The following GNAQ variants were observed in gnomAD, a reference collection of about 807,000 sequenced individuals.
The protein encoded by GNAQ is G protein subunit alpha q, also known as guanine nucleotide-binding protein G(q) subunit alpha.
GNAQ carries 8 observed loss-of-function variants against 43.9 expected under a neutral mutation model. The ratio of observed to expected loss-of-function variants is 0.18; its 90% CI spans 0.11 to 0.33. The LOEUF (loss-of-function observed/expected upper bound fraction) is 0.33, where lower values mean the gene tolerates loss of function less well. Among genes scored for constraint, GNAQ ranks in the 10% least tolerant of loss-of-function variants. The pLI is 1.00. For synonymous variants in GNAQ, 155 were observed against 170.7 expected (o/e 0.91, Z 0.71); for missense variants, 158 against 450.8 (o/e 0.35, Z 5.88).
intron 1 of GNAQ, among the ~76,000 whole-genome samples, chr9:77,947,666 C>T (rs1822921052): frequency 6.6e-6 from 1 of 152,158 alleles, no homozygotes; most frequent in African/African-American, 2.4e-5. Context: ...AGTAAGTAGG[C>T]AGAATGGTTT....
At chr9:77,752,471 A>C (rs1825826467) in intron 5 of GNAQ, among the ~76,000 whole-genome samples, 1 of 152,210 alleles carries the variant, frequency 6.6e-6, no homozygotes, top group Admixed American at 6.5e-5. Context: ...TCAGAAATGA[A>C]GCTAGAAGGG....
At chr9:77,819,025 A>C (rs1827067271) in intron 2 of GNAQ, among the ~76,000 whole-genome samples, 1 of 150,918 alleles carries the variant, frequency 6.6e-6, no homozygotes, top group Admixed American at 6.6e-5. Flanking sequence ...AAAAAAAAAA[A>C]AAAACACCCA....
chr9:77,747,130 T>C (rs150913072), intron 5 of GNAQ, among the ~76,000 whole-genome samples: 87 of 151,826 alleles, frequency 5.7e-4, no homozygotes, highest in Middle Eastern at 3.4e-3. Flanking sequence ...CACAGGAGAG[T>C]TTTCACTCTC....
At chr9:77,990,660 C>T (rs1371574118) in intron 1 of GNAQ, among the ~76,000 whole-genome samples, 1 of 152,190 alleles carries the variant, frequency 6.6e-6, no homozygotes, top group East Asian at 1.9e-4. Context: ...TGTATATATA[C>T]AAGCACACAT....
chr9:77,879,171 C>T (rs1828173241), intron 2 of GNAQ, among the ~76,000 whole-genome samples: 1 of 152,060 alleles, frequency 6.6e-6, no homozygotes, highest in Admixed American at 6.6e-5. Flanking sequence ...GAAAATACTG[C>T]AGTTTTAATT....
rs182320346 is a variant in GNAQ, at chr9:78,017,326, G to T, written c.136+13774C>A. On this transcript the variant is annotated intron_variant, in intron 1 of 6. Coordinates refer to ENST00000286548, the MANE Select transcript of GNAQ (RefSeq NM_002072.5). ...GGCTTTCGTGAGCAGGTACAAACTA[G>T]CTGCATCACAGCACTGTATGATTCA... Among the ~76,000 whole-genome samples, 701 of 152,290 alleles carry T rather than the reference G, an allele frequency of 4.6e-3. 4 individuals carry two copies. The highest frequency in any genetic ancestry group is 0.014 in the Middle Eastern group (4 of 294).
chr9:77,995,325 T>G (rs767822954), intron 1 of GNAQ, among the ~76,000 whole-genome samples: 15 of 152,158 alleles, frequency 9.9e-5, no homozygotes, highest in Non-Finnish European at 1.8e-4. Flanking sequence ...CTTACACTAC[T>G]TCTCTTAATT....
chr9:77,964,553 T>C lies in GNAQ; in HGVS notation c.137-42208A>G, dbSNP rs141230472. 3.0e-3 allele frequency among the ~76,000 whole-genome samples: 454 copies of C among 152,236 alleles called. 2 individuals carry two copies. The highest frequency in any genetic ancestry group is 5.0e-3 in the Non-Finnish European group (339 of 67,994). ...TATATTCTGGGCTATAAAACCAGTC[T>C]CAATAAATTTTAGAAGAGTCATATA... is the stretch of plus-strand genomic sequence containing the variant. On this transcript the variant is annotated intron_variant, in intron 1 of 6. Coordinates refer to ENST00000286548, the MANE Select transcript of GNAQ (RefSeq NM_002072.5).
intron 1 of GNAQ, among the ~76,000 whole-genome samples, chr9:77,931,872 C>T (rs985910055): frequency 2.7e-5 from 4 of 145,628 alleles, no homozygotes; most frequent in Admixed American, 6.8e-5. Context: ...AGGAAATAGA[C>T]AATAAATGTT....
intron 5 of GNAQ, among the ~76,000 whole-genome samples, chr9:77,753,086 CAA>C (rs547963667): frequency 7.5e-5 from 4 of 53,020 alleles, no homozygotes; most frequent in Admixed American, 1.8e-4. Flanking sequence ...GACTCTGTCT[CAA>C]AAAAAAAAAA....
intron 1 of GNAQ, among the ~76,000 whole-genome samples, chr9:78,002,752 G>T (rs1823659189): frequency 6.6e-6 from 1 of 152,096 alleles, no homozygotes; most frequent in Admixed American, 6.5e-5. Flanking sequence ...AATTAGGACT[G>T]AATGGAAAAA....
intron 5 of GNAQ, among the ~76,000 whole-genome samples, chr9:77,767,045 A>G (rs1407758564): frequency 6.6e-6 from 1 of 152,146 alleles, no homozygotes; most frequent in Non-Finnish European, 1.5e-5. Context: ...TAACACATAA[A>G]TGTCAGGGAA....
At chr9:77,904,487 C>T (rs1828671271) in intron 2 of GNAQ, among the ~76,000 whole-genome samples, 1 of 151,808 alleles carries the variant, frequency 6.6e-6, no homozygotes, top group South Asian at 2.1e-4. Flanking sequence ...CGTCTACCAC[C>T]ACGCCTGGCT....
chr9:77,797,448 T>C (rs376025257), intron 4 of GNAQ, 72 bp downstream of exon 4: 90 of 1,115,344 alleles, frequency 8.1e-5, no homozygotes, highest in East Asian at 5.6e-4. Flanking sequence ...ATGATTCCAG[T>C]ATTTATAGAG....
intron 2 of GNAQ, among the ~76,000 whole-genome samples, chr9:77,897,942 GAAA>G (rs5898570): frequency 1.9e-3 from 242 of 124,702 alleles, no homozygotes; most frequent in East Asian, 6.9e-3. Context: ...ACTTTCCCTG[GAAA>G]AAAAAAAAAA....
chr9:77,984,045 A>T, intron 1 of GNAQ, among the ~76,000 whole-genome samples: 1 of 97,372 alleles, frequency 1.0e-5, no homozygotes. Context: ...AGAATTTTGG[A>T]GAGCAAAAAA....
chr9:77,915,996 A>G (rs1828896531), intron 2 of GNAQ, among the ~76,000 whole-genome samples: 1 of 152,214 alleles, frequency 6.6e-6, no homozygotes, highest in African/African-American at 2.4e-5. Flanking sequence ...CTTAGCACAG[A>G]ATCCAGGCTG....
chr9:77,786,752 T>C (rs1418085221), intron 5 of GNAQ, among the ~76,000 whole-genome samples: 1 of 152,322 alleles, frequency 6.6e-6, no homozygotes, highest in Middle Eastern at 3.4e-3. Context: ...TGCTCATTTA[T>C]TGTGGAAAAA....
intron 1 of GNAQ, among the ~76,000 whole-genome samples, chr9:77,999,490 A>C (rs1404605363): frequency 6.6e-6 from 1 of 152,204 alleles, no homozygotes; most frequent in East Asian, 1.9e-4. Context: ...GTCAGCTGTC[A>C]CAGAAAATGT....
Sources: allele counts gnomAD v4.1 joint callset (sites outside exome capture counted in the v4.1 genomes callset), GRCh38; gene constraint gnomAD v4.1.1; transcripts MANE v1.5; gene names NCBI Gene and HGNC (gene_info 2026-07-23, HGNC 2026-07-21).